Variants in CYP4V2 observed in about 807,000 individuals in gnomAD.
The protein encoded by CYP4V2 is cytochrome P450 4V2.
In CYP4V2, 55 loss-of-function variants were observed where a neutral mutation model predicts 60.8. The observed-to-expected ratio is 0.90, with a 90% CI of 0.73 to 1.13. The LOEUF is 1.13. Ranked by LOEUF, CYP4V2 falls within the 50% of genes most tolerant of loss-of-function variation. The pLI is 0.00. For missense variants in CYP4V2, 675 were observed against 662.9 expected (o/e 1.02, Z -0.20); for synonymous variants, 239 against 236.8 (o/e 1.01, Z -0.08).
In CYP4V2 at chr4:186,191,945, C is replaced by T. The variant is rs574516881; in HGVS notation, c.122C>T (p.Ala41Val). ...CTGCTGCAGAGGGTGGCGAGCTACG[C>T]GCGGAAATGGCAGCAGATGCGGCCC... ...LSLLQRVASY[A>V]RKWQQMRPIP... The change falls in exon 1 of 11, where the codon GCG (alanine) becomes GTG (valine). Residue 41 changes from alanine (A) to valine (V), a missense_variant. Ala to Val is a moderately conservative substitution (Grantham distance 64, BLOSUM62 0). Coordinates refer to ENST00000378802, the MANE Select transcript of CYP4V2 (RefSeq NM_207352.4). The T allele has an allele frequency of 4.4e-4, 705 of 1,590,876 alleles. 3 individuals are homozygous for T. The highest frequency in any genetic ancestry group is 4.9e-5 in the Non-Finnish European group (58 of 1,171,950).
rs138504382 is a variant in CYP4V2 at position 186,206,932 on chromosome 4, G to C, written c.1090+1630G>C. 5.7e-3 allele frequency among the ~76,000 whole-genome samples: 862 copies of C among 152,250 alleles called. 1 individual carries two copies. The highest frequency in any genetic ancestry group is 9.1e-3 in the Non-Finnish European group (616 of 68,024). ...TTCCAAAAGCTCACAAGTTCTTTTG[G>C]AATAGGCTTCAATCTTTTGTATCCC... is the stretch of plus-strand genomic sequence containing the variant. On this transcript the variant is annotated intron_variant, in intron 8 of 10. Transcript: ENST00000378802.
intron 1 of CYP4V2, among the ~76,000 whole-genome samples, chr4:186,194,161 A>T (rs917834474): frequency 2.6e-5 from 4 of 152,236 alleles, no homozygotes; most frequent in Non-Finnish European, 5.9e-5. Context: ...GCTCGGTACA[A>T]GCCAGTTTCC....
chr4:186,197,554 T>C lies in CYP4V2; in HGVS notation c.626T>C (p.Ile209Thr), dbSNP rs376640607. ...ATAGAAACAGCTATGGGGAAGAATA[T>C]TGGTGCTCAAAGTAATGATGATTCC... ...IICETAMGKN[I>T]GAQSNDDSEY... The change falls in exon 5 of 11, where the codon ATT becomes ACT. Residue 209 changes from isoleucine to threonine, a missense_variant. Physicochemically the swap from Ile to Thr is moderately conservative, Grantham distance 89. Coordinates refer to ENST00000378802, the MANE Select transcript of CYP4V2 (RefSeq NM_207352.4). 3.5e-5 allele frequency: 56 copies of C among 1,614,138 alleles called. No individual in the cohort carries two copies. The highest frequency in any genetic ancestry group is 4.4e-5 in the Non-Finnish European group (52 of 1,180,052).
intron 10 of CYP4V2, among the ~76,000 whole-genome samples, chr4:186,210,251 A>G (rs1319014162): frequency 6.6e-6 from 1 of 152,192 alleles, no homozygotes; most frequent in Non-Finnish European, 1.5e-5. Flanking sequence ...CAGCTGGAGT[A>G]CAAATTCTCT....
At position 186,210,796 on chromosome 4, in the gene CYP4V2, G is replaced by T; in HGVS notation, c.*155G>T. 1.1e-6 allele frequency: 1 copy of T among 877,196 alleles called. No homozygotes were observed. Among genetic ancestry groups the T allele is most frequent in the Admixed American group, 2.9e-5 (1 of 34,882 alleles). 54.3% of individuals were successfully genotyped at this position (877,196 alleles called of 1,614,324 possible). On this transcript the variant is annotated 3_prime_UTR_variant, in exon 11 of 11. Transcript: ENST00000378802. ...TGATCTTGACATCAAGTCTAACAAAGAAAAAGTTTTGAGTTTTGTATTTTC... is the reference window on the plus strand; with the variant it reads ...TGATCTTGACATCAAGTCTAACAAATAAAAAGTTTTGAGTTTTGTATTTTC...
intron 7 of CYP4V2, 131 bp downstream of exon 7, chr4:186,201,473 G>A: frequency 8.8e-7 from 1 of 1,134,338 alleles, no homozygotes; most frequent in South Asian, 1.6e-5. Context: ...ATTTTAATTA[G>A]AAATTACAAA....
Position 186,191,809 on chromosome 4 carries a change from C to T in CYP4V2, c.-15C>T. On this transcript the variant is annotated 5_prime_UTR_variant, in exon 1 of 11. Coordinates refer to ENST00000378802, the MANE Select transcript of CYP4V2 (RefSeq NM_207352.4). ...CACTTTCCCGGAGTGCACCCCGCGG[C>T]CGCCAGCCGGGGCGATGGCGGGGCT... The T allele has an allele frequency of 7.8e-6, 12 of 1,532,702 alleles. No individual in the cohort carries two copies. Among genetic ancestry groups the T allele is most frequent in the Non-Finnish European group, 1.0e-5 (12 of 1,146,492 alleles). 94.9% of individuals were successfully genotyped at this position (1,532,702 alleles called of 1,614,324 possible).
intron 7 of CYP4V2, chr4:186,202,122 C>G (rs770769239): frequency 2.0e-5 from 3 of 152,208 alleles, no homozygotes; most frequent in Non-Finnish European, 4.4e-5. Flanking sequence ...ATGGGTCTTT[C>G]GATCCGAGTT....
intron 6 of CYP4V2, among the ~76,000 whole-genome samples, chr4:186,199,787 A>G (rs1267941750): frequency 1.3e-5 from 2 of 148,892 alleles, no homozygotes; most frequent in African/African-American, 4.9e-5. Flanking sequence ...TTGTGTTAAT[A>G]ATGTGTTTTG....
At chr4:186,199,788 A>T (rs1202780078) in intron 6 of CYP4V2, among the ~76,000 whole-genome samples, 2 of 149,592 alleles carry the variant, frequency 1.3e-5, no homozygotes, top group Non-Finnish European at 3.0e-5. Flanking sequence ...TGTGTTAATA[A>T]TGTGTTTTGA....
At chr4:186,194,403 T>G in intron 1 of CYP4V2, 97 bp from the exon 2 acceptor site, 1 of 1,016,040 alleles carries the variant, frequency 9.8e-7, no homozygotes, top group Non-Finnish European at 1.5e-6. Flanking sequence ...TATTACAGAA[T>G]TAGTATATTC....
chr4:186,196,956 C>T lies in CYP4V2; in HGVS notation c.430C>T (p.Arg144Cys), dbSNP rs757683326. 1.1e-5 allele frequency: 18 copies of T among 1,612,942 alleles called. No individual in the cohort carries two copies. Among genetic ancestry groups the T allele is most frequent in the South Asian group, 2.2e-5 (2 of 91,028 alleles). Reference sequence around the variant, plus strand: ...TATTTCTAGTACTGGAAACAAATGGCGCTCCAGGAGAAAGATGTTAACACC... The same window carrying T: ...TATTTCTAGTACTGGAAACAAATGGTGCTCCAGGAGAAAGATGTTAACACC... ...GLLTSTGNKW[R>C]SRRKMLTPTF... Residue 144 changes from arginine (R) to cysteine (C), a missense_variant, in exon 4 of 11, where the codon CGC becomes TGC. Arg to Cys is a radical substitution (Grantham distance 180). Transcript: ENST00000378802.
intron 7 of CYP4V2, chr4:186,204,658 C>G (rs1395484301): frequency 4.9e-6 from 1 of 205,506 alleles, no homozygotes; most frequent in African/African-American, 2.3e-5. Flanking sequence ...AGTAATGAGT[C>G]TTTCATGGAG....
chr4:186,209,173 C>G lies in CYP4V2; in HGVS notation c.1306C>G (p.Pro436Ala), dbSNP rs1172459333. 1 of 1,614,010 alleles carries G rather than the reference C, an allele frequency of 6.2e-7. No individual in the cohort carries two copies. The highest frequency in any genetic ancestry group is 1.3e-5 in the African/African-American group (1 of 74,916). ...CAGAGATCCGAGATACTTCCCCAACCCCGAGGAGTTCCAGCCTGAGCGGTT... is the reference window on the plus strand; with the variant it reads ...CAGAGATCCGAGATACTTCCCCAACGCCGAGGAGTTCCAGCCTGAGCGGTT... ...LHRDPRYFPNPEEFQPERFFP... is the reference protein window; with the variant it reads ...LHRDPRYFPNAEEFQPERFFP... The change falls in exon 10 of 11, where the codon CCC (proline) becomes GCC (alanine). Residue 436 changes from proline to alanine, a missense_variant. Transcript: ENST00000378802.
rs563333552 is a variant in CYP4V2 at position 186,212,448 on chromosome 4, C to T, written c.*1807C>T. The T allele has an allele frequency of 7.2e-5, 11 of 152,308 alleles. No individual in the cohort carries two copies. Among genetic ancestry groups the T allele is most frequent in the African/African-American group, 2.6e-4 (11 of 41,572 alleles). 9.4% of individuals were successfully genotyped at this position (152,308 alleles called of 1,614,324 possible). ...CTGAATTTTAATTTGATAGGCAATA[C>T]ATCTACCCACTCCATTATTTTTTAA... On this transcript the variant is annotated 3_prime_UTR_variant, in exon 11 of 11. Transcript: ENST00000378802.
At chr4:186,199,729 A>G (rs1336451089) in intron 6 of CYP4V2, among the ~76,000 whole-genome samples, 2 of 152,256 alleles carry the variant, frequency 1.3e-5, no homozygotes, top group Admixed American at 1.3e-4. Context: ...TCCAATTCAA[A>G]AATAACCAGA....
chr4:186,197,263 C>T (rs558747441), intron 4 of CYP4V2, 133 bp downstream of exon 4: 138 of 1,140,950 alleles, frequency 1.2e-4, no homozygotes, highest in Admixed American at 1.7e-4. Flanking sequence ...GTTCTACGAC[C>T]GCACTGGCCT....
chr4:186,212,568 T>C lies in CYP4V2; in HGVS notation c.*1927T>C, dbSNP rs1736760568. 1 of 152,248 alleles carries C rather than the reference T, an allele frequency of 6.6e-6. No homozygotes were observed. Among genetic ancestry groups the C allele is most frequent in the African/African-American group, 2.4e-5 (1 of 41,472 alleles). The allele number at this position is 152,248 out of a possible 1,614,324, so 9.4% of individuals were successfully genotyped here. ...ATTACCTTTATATATCATATGTTAT[T>C]GGAAGAGATTCCTCAGTAATCTCCA... On this transcript the variant is annotated 3_prime_UTR_variant, in exon 11 of 11. Transcript: ENST00000378802.
intron 8 of CYP4V2, among the ~76,000 whole-genome samples, chr4:186,207,427 AAAG>A (rs1160880788): frequency 5.6e-5 from 8 of 143,330 alleles, no homozygotes; most frequent in Non-Finnish European, 7.7e-5. Flanking sequence ...AAAAAAAAAG[AAAG>A]AAAGAAAGAA....
Sources: gnomAD v4.1 joint callset for allele counts (sites outside exome capture counted in the v4.1 genomes callset) on GRCh38, gnomAD v4.1.1 for gene constraint, MANE v1.5 for transcripts, NCBI Gene and HGNC (gene_info 2026-07-23, HGNC 2026-07-21) for gene names.